PTPRN2: variants seen among roughly 807,000 people sequenced by gnomAD.
The protein encoded by PTPRN2 is protein tyrosine phosphatase receptor type N2.
A neutral mutation model predicts 118.8 loss-of-function variants in PTPRN2; 74 were observed. That is an observed-to-expected ratio of 0.62 (90% CI 0.52 to 0.76). The LOEUF (loss-of-function observed/expected upper bound fraction) is 0.76. Ranked by LOEUF, PTPRN2 falls within the 30% of genes least tolerant of loss-of-function variation. PTPRN2 has a pLI of 0.00. For missense variants in PTPRN2, 1,481 were observed against 1,394.4 expected (o/e 1.06, Z -0.99); for synonymous variants, 641 against 608.0 (o/e 1.05, Z -0.80).
intron 11 of PTPRN2, among the ~76,000 whole-genome samples, chr7:157,942,627 C>T (rs923917972): frequency 9.2e-5 from 14 of 152,204 alleles, no homozygotes; most frequent in East Asian, 5.8e-4. Context: ...CCAACTTCTC[C>T]GCGTTCACCT....
rs113991180 is a variant in PTPRN2 at position 157,870,979 on chromosome 7, C to G, written c.1788+27694G>C. On this transcript the variant is annotated intron_variant, in intron 12 of 22. Transcript: ENST00000389418. ...CGATGTTGGGGATTGGATGGCCTGGCTCAGAGATGTTGAAATGTCCCCGAC... is the reference window on the plus strand; with the variant it reads ...CGATGTTGGGGATTGGATGGCCTGGGTCAGAGATGTTGAAATGTCCCCGAC... Among the ~76,000 whole-genome samples the G allele has an allele frequency of 3.9e-3, 597 of 152,332 alleles. 6 individuals are homozygous for G. The highest frequency in any genetic ancestry group is 0.014 in the African/African-American group (569 of 41,572).
intron 11 of PTPRN2, among the ~76,000 whole-genome samples, chr7:157,948,398 G>A (rs1237788994): frequency 6.6e-6 from 1 of 152,132 alleles, no homozygotes; most frequent in African/African-American, 2.4e-5. Context: ...TAAATGTGGG[G>A]TGTTAATTGT....
At position 157,583,884 on chromosome 7, in the gene PTPRN2, AC is replaced by A. The variant is rs1266853702; in HGVS notation, c.2497-5745del. Reference sequence around the variant, plus strand: ...GTGACAGAGCGAGACTCTGTCTCAAACACACACACACACACACACACACACA... The same window carrying A: ...GTGACAGAGCGAGACTCTGTCTCAAAACACACACACACACACACACACACA... On this transcript the variant is annotated intron_variant, in intron 17 of 22. Coordinates refer to ENST00000389418, the MANE Select transcript of PTPRN2 (RefSeq NM_002847.5). The surrounding 1 kb of genome is among the most constrained non-coding windows in gnomAD (Gnocchi z 5.5). Among the ~76,000 whole-genome samples the A allele has an allele frequency of 4.6e-4, 1 of 2,196 alleles. No homozygotes were observed. Among genetic ancestry groups the A allele is most frequent in the Non-Finnish European group, 1.0e-3 (1 of 964 alleles). 1.4% of individuals were successfully genotyped at this position (2,196 alleles called of 152,430 possible). A position where few individuals can be genotyped will look rare whatever the true frequency, so the allele number is the denominator to read the frequency against.
chr7:157,976,685 C>T (rs938614946), intron 11 of PTPRN2, among the ~76,000 whole-genome samples: 7 of 151,822 alleles, frequency 4.6e-5, no homozygotes, highest in Non-Finnish European at 8.8e-5. Flanking sequence ...TGCACGTAGC[C>T]GTGGACTTGT....
chr7:158,023,437 C>T (rs1376179896), intron 11 of PTPRN2, among the ~76,000 whole-genome samples: 1 of 152,090 alleles, frequency 6.6e-6, no homozygotes, highest in South Asian at 2.1e-4. Context: ...TTTTTCTTTG[C>T]GGTAATTAAC....
At position 158,511,402 on chromosome 7, in the gene PTPRN2, CAGAACTTGGAAGGG is replaced by C. The variant is rs538280076; in HGVS notation, c.113-21631_113-21618del. ...AACGTGCACATCACATCAACCTGTG[CAGAACTTGGAAGGG>C]AGAACCCACGGCTCACAGAGGGGCT... On this transcript the variant is annotated intron_variant, in intron 1 of 22. Transcript: ENST00000389418. Among the ~76,000 whole-genome samples, 73 of 152,300 alleles carry C rather than the reference CAGAACTTGGAAGGG, an allele frequency of 4.8e-4. No individual in the cohort carries two copies. The East Asian group carries it at 0.014, about 29-fold the overall frequency.
intron 12 of PTPRN2, among the ~76,000 whole-genome samples, chr7:157,824,021 C>T (rs143196978): frequency 2.9e-4 from 44 of 152,302 alleles, no homozygotes; most frequent in East Asian, 3.9e-4. Context: ...CAAAAGTGGC[C>T]TGGACTTCAA....
At chr7:158,175,075 T>C (rs1824065090) in intron 5 of PTPRN2, among the ~76,000 whole-genome samples, 1 of 152,216 alleles carries the variant, frequency 6.6e-6, no homozygotes, top group Non-Finnish European at 1.5e-5. Flanking sequence ...GACTCCTGTG[T>C]GTGCACTGGT....
At chr7:158,316,575 G>A (rs1274394506) in intron 3 of PTPRN2, among the ~76,000 whole-genome samples, 1 of 152,122 alleles carries the variant, frequency 6.6e-6, no homozygotes, top group Non-Finnish European at 1.5e-5. Context: ...GCGGGCCACT[G>A]CAGCCTCCTG....
chr7:157,680,100 C>G (rs780260118), intron 13 of PTPRN2, among the ~76,000 whole-genome samples: 5 of 152,330 alleles, frequency 3.3e-5, no homozygotes, highest in Admixed American at 2.0e-4. Context: ...TCTCTCTCTC[C>G]GAGGTTACCT....
At chr7:158,318,026 A>AG (rs1282853209) in intron 2 of PTPRN2, among the ~76,000 whole-genome samples, 3 of 152,162 alleles carry the variant, frequency 2.0e-5, no homozygotes, top group Non-Finnish European at 2.9e-5. Context: ...AGGAGACGCC[A>AG]GGCCCGCGCC....
intron 21 of PTPRN2, among the ~76,000 whole-genome samples, chr7:157,562,382 G>A (rs766145001): frequency 1.3e-5 from 2 of 152,182 alleles, no homozygotes; most frequent in Non-Finnish European, 1.5e-5. Context: ...CCTTGGAGCC[G>A]TGTGGCCCCC....
chr7:158,107,983 G>T (rs1324142725), intron 10 of PTPRN2, among the ~76,000 whole-genome samples: 1 of 151,194 alleles, frequency 6.6e-6, no homozygotes, highest in Admixed American at 6.6e-5. Context: ...CCCTCACCTG[G>T]ATCTCTGCAC....
intron 12 of PTPRN2, among the ~76,000 whole-genome samples, chr7:157,709,346 G>C (rs1798484143): frequency 1.3e-5 from 2 of 152,222 alleles, no homozygotes; most frequent in African/African-American, 4.8e-5. Flanking sequence ...AAATGACAAA[G>C]ACGATTTTGA....
rs534204019 is a variant in PTPRN2, at chr7:157,869,710, T to G, written c.1788+28963A>C. Among the ~76,000 whole-genome samples the G allele has an allele frequency of 1.4e-4, 21 of 152,334 alleles. No individual in the cohort carries two copies. Among genetic ancestry groups the G allele is most frequent in the Non-Finnish European group, 2.6e-4 (18 of 68,032 alleles). On this transcript the variant is annotated intron_variant, in intron 12 of 22. Transcript: ENST00000389418. The surrounding 1 kb of genome is among the most constrained non-coding windows in gnomAD (Gnocchi z 4.2). Reference sequence around the variant, plus strand: ...ATGCCTCATGAGTTCTCATCGGAACTCTTGCTAAATTGCCCGTGTTTGATG... The same window carrying G: ...ATGCCTCATGAGTTCTCATCGGAACGCTTGCTAAATTGCCCGTGTTTGATG...
chr7:158,070,626 C>T lies in PTPRN2; in HGVS notation c.1723+10672G>A, dbSNP rs370144437. 7.6e-3 allele frequency among the ~76,000 whole-genome samples: 591 copies of T among 77,286 alleles called. 3 individuals carry two copies. The highest frequency in any genetic ancestry group is 0.016 in the Middle Eastern group (1 of 64). 50.7% of individuals were successfully genotyped at this position (77,286 alleles called of 152,430 possible). Reference sequence around the variant, plus strand: ...GAGGTGCTCCTGGTGGTGGAGGTGCCCCTGGTGGTGGAGGTGCCCATGGTG... The same window carrying T: ...GAGGTGCTCCTGGTGGTGGAGGTGCTCCTGGTGGTGGAGGTGCCCATGGTG... On this transcript the variant is annotated intron_variant, in intron 11 of 22. Coordinates refer to ENST00000389418, the MANE Select transcript of PTPRN2 (RefSeq NM_002847.5).
At chr7:158,051,617 G>A (rs1248783545) in intron 11 of PTPRN2, among the ~76,000 whole-genome samples, 6 of 152,220 alleles carry the variant, frequency 3.9e-5, no homozygotes, top group African/African-American at 7.2e-5. Flanking sequence ...GTGCTCCCCC[G>A]GCGAGCGCCC....
At chr7:158,337,185 C>T (rs1240573213) in intron 2 of PTPRN2, among the ~76,000 whole-genome samples, 8 of 151,944 alleles carry the variant, frequency 5.3e-5, no homozygotes, top group African/African-American at 1.5e-4. Flanking sequence ...TCACTCACAC[C>T]GACACTCTCA....
chr7:158,080,960 A>G (rs750314560), intron 11 of PTPRN2, among the ~76,000 whole-genome samples: 1 of 152,312 alleles, frequency 6.6e-6, no homozygotes, highest in South Asian at 2.1e-4. Context: ...TACAAACACC[A>G]AATCTTGCTT....
Sources: allele counts gnomAD v4.1 joint callset (sites outside exome capture counted in the v4.1 genomes callset), GRCh38; gene constraint gnomAD v4.1.1; non-coding constraint Gnocchi (gnomAD v3.1); transcripts MANE v1.5; gene names NCBI Gene and HGNC (gene_info 2026-07-23, HGNC 2026-07-21).